The following FLII variants were observed in gnomAD, a reference collection of about 807,000 sequenced individuals.
FLII encodes the protein protein flightless-1 homolog.
Under a neutral mutation model 156.2 loss-of-function variants are expected in FLII, and 101 were observed. The observed-to-expected ratio is 0.65, with a 90% CI of 0.55 to 0.76. FLII has a LOEUF of 0.76. FLII is among the 30% of genes least tolerant of loss of function. The pLI is 0.00. For missense variants in FLII, 1,675 were observed against 1,682.8 expected (o/e 1.00, Z 0.08); for synonymous variants, 767 against 685.8 (o/e 1.12, Z -1.85).
At position 18,248,530 on chromosome 17, in the gene FLII, G is replaced by A; in HGVS notation, c.2190+20C>T. ...GGGTGAACTTGGGAGGCCAAGGTGGGCCTCAGCAGCAGGGCTCACCTTGTA... is the reference window on the plus strand; with the variant it reads ...GGGTGAACTTGGGAGGCCAAGGTGGACCTCAGCAGCAGGGCTCACCTTGTA... On this transcript the variant is annotated intron_variant, in intron 18 of 29. Transcript: ENST00000327031. 6.3e-7 allele frequency: 1 copy of A among 1,582,920 alleles called. No homozygotes were observed. Among genetic ancestry groups the A allele is most frequent in the Admixed American group, 1.7e-5 (1 of 57,918 alleles).
Position 18,255,231 on chromosome 17 carries a change from ATTC to A in FLII, c.276_278del (p.Lys92del). 6.2e-7 allele frequency: 1 copy of A among 1,614,118 alleles called. No homozygotes were observed. The highest frequency in any genetic ancestry group is 8.5e-7 in the Non-Finnish European group (1 of 1,179,984). On this transcript the variant is annotated inframe_deletion, in exon 4 of 30. Coordinates refer to ENST00000327031, the MANE Select transcript of FLII (RefSeq NM_002018.4). ...TGAAGATGTCATCGGGGACTCCGGA[ATTC>A]TTCAGACTGTTGGCTCGGGCCACGA... is the stretch of plus-strand genomic sequence containing the variant.
Position 18,251,733 on chromosome 17 carries a change from G to C in FLII, c.1330C>G (p.Gln444Glu), listed in dbSNP as rs139329516. The part of the protein sequence containing the change: ...KDSAQDDQAK[Q>E]VLKGMSDVAQ... ...ACATCTGACATGCCCTTCAGCACCT[G>C]CTTGGCCTGGTCATCCTGGGCTGAA... The change falls in exon 12 of 30, where the codon CAG becomes GAG. Residue 444 changes from glutamine (Q) to glutamate (E), a missense_variant. This residue lies in a region of FLII where 1,332 missense variants were observed against 1,269.3 expected (regional missense o/e 1.05). Coordinates refer to ENST00000327031, the MANE Select transcript of FLII (RefSeq NM_002018.4). The C allele has an allele frequency of 5.0e-6, 8 of 1,613,934 alleles. No homozygotes were observed. The African/African-American group carries it at 9.3e-5, about 19-fold the overall frequency.
At chr17:18,257,277 G>A in intron 1 of FLII, 1 of 467,622 alleles carries the variant, frequency 2.1e-6, no homozygotes, top group South Asian at 3.1e-5. Flanking sequence ...GGACAAAACT[G>A]GCTTGTTTCA....
Position 18,248,502 on chromosome 17 carries a change from G to T in FLII, c.2190+48C>A, listed in dbSNP as rs376224406. 1.8e-5 allele frequency: 28 copies of T among 1,539,640 alleles called. No individual in the cohort carries two copies. In the East Asian group the frequency reaches 6.1e-4, roughly 34 times the overall value. On this transcript the variant is annotated intron_variant, in intron 18 of 29. Transcript: ENST00000327031. ...CGGTGTGTAGTCCATTCCCCCAGTC[G>T]GTGGGTGAACTTGGGAGGCCAAGGT...
rs141748069 is a variant in FLII, at chr17:18,249,856, T to C, written c.1777-448A>G. Among the ~76,000 whole-genome samples, 34 of 151,872 alleles carry C rather than the reference T, an allele frequency of 2.2e-4. No individual in the cohort carries two copies. The East Asian group carries it at 6.6e-3, about 30-fold the overall frequency. On this transcript the variant is annotated intron_variant, in intron 14 of 29. Coordinates refer to ENST00000327031, the MANE Select transcript of FLII (RefSeq NM_002018.4). ...AGATCTGGCTGGGCACGGTGGCTCA[T>C]GCCTGTAATCTTAGTACTTTGGGAG...
Position 18,248,966 on chromosome 17 carries a change from C to T in FLII, c.1935-83G>A. The T allele has an allele frequency of 1.1e-5, 16 of 1,444,716 alleles. No homozygotes were observed. The South Asian group carries it at 1.8e-4, about 16-fold the overall frequency. 89.5% of individuals were successfully genotyped at this position (1,444,716 alleles called of 1,614,324 possible). A position where few individuals can be genotyped will look rare whatever the true frequency, so the allele number is the denominator to read the frequency against. On this transcript the variant is annotated intron_variant, in intron 16 of 29. Coordinates refer to ENST00000327031, the MANE Select transcript of FLII (RefSeq NM_002018.4). ...TGCTCCTGACCCCACCAAAAAAAAT[C>T]CCTCACTATGGGGTTTCTGGGTAAG...
chr17:18,247,102 C>A lies in FLII; in HGVS notation c.2677-50G>T, dbSNP rs748193961. 1.0e-5 allele frequency: 16 copies of A among 1,583,842 alleles called. No individual in the cohort carries two copies. In the East Asian group the frequency reaches 1.3e-4, roughly 13 times the overall value. On this transcript the variant is annotated intron_variant, in intron 21 of 29. Transcript: ENST00000327031. ...GCGGCAGGTCTGAGCGCGCTCTGCG[C>A]ATAGGCCCCGCCCTCGGCCTGCCCC...
intron 10 of FLII, 114 bp downstream of exon 10, chr17:18,252,358 C>A (rs1252258130): frequency 9.5e-7 from 1 of 1,047,598 alleles, no homozygotes; most frequent in South Asian, 1.4e-5. Flanking sequence ...CTTCTCCCCA[C>A]GGGCACCCTG....
At chr17:18,252,191 C>A in intron 10 of FLII, 45 bp from the exon 11 acceptor site, 1 of 1,543,150 alleles carries the variant, frequency 6.5e-7, no homozygotes, top group Non-Finnish European at 8.9e-7. Flanking sequence ...CTGGGTCCTA[C>A]CTCCCAGACA....
chr17:18,247,101 G>A (rs755164075), intron 21 of FLII, 49 bp from the exon 22 acceptor site: 3 of 1,584,910 alleles, frequency 1.9e-6, no homozygotes, highest in East Asian at 4.5e-5. Context: ...CGCGCTCTGC[G>A]CATAGGCCCC....
In FLII at chr17:18,252,092, G is replaced by T. The variant is rs1379238455; in HGVS notation, c.1153C>A (p.Arg385Ser). 5.6e-6 allele frequency: 9 copies of T among 1,613,332 alleles called. No homozygotes were observed. The African/African-American group carries it at 8.0e-5, about 14-fold the overall frequency. Residue 385 changes from arginine to serine, a missense_variant, in exon 11 of 30, where the codon CGT becomes AGT. Physicochemically the swap from Arg to Ser is moderately radical, Grantham distance 110. Around this residue, in one of 2 missense-constraint regions of FLII, gnomAD observed 1,332 missense variants for 1,269.3 expected, o/e 1.05. Coordinates refer to ENST00000327031, the MANE Select transcript of FLII (RefSeq NM_002018.4). ...TCGATGTTGTACCACTCAGCGGCACGGTCTGCGGGCTTGGGCGGCATGACC... is the reference window on the plus strand; with the variant it reads ...TCGATGTTGTACCACTCAGCGGCACTGTCTGCGGGCTTGGGCGGCATGACC... ...NLVMPPKPAD[R>S]AAEWYNIDFS...
chr17:18,245,801 C>T lies in FLII; in HGVS notation c.3446G>A (p.Gly1149Glu), dbSNP rs1285251885. Residue 1149 changes from glycine (G) to glutamate (E), a missense_variant, in exon 27 of 30, where the codon GGG becomes GAG. Gly to Glu is a moderately conservative substitution (Grantham distance 98). Coordinates refer to ENST00000327031, the MANE Select transcript of FLII (RefSeq NM_002018.4). ...ATCGTCATCATAGGGCTTCTGTGCC[C>T]CAATGCCCACCCAGAAGAAGTTCTC... ...EPENFFWVGIGAQKPYDDDAE... is the reference protein window; with the variant it reads ...EPENFFWVGIEAQKPYDDDAE... The T allele has an allele frequency of 6.2e-7, 1 of 1,614,034 alleles. No individual in the cohort carries two copies. The highest frequency in any genetic ancestry group is 8.5e-7 in the Non-Finnish European group (1 of 1,180,004).
chr17:18,252,037 G>A lies in FLII; in HGVS notation c.1208C>T (p.Ala403Val), dbSNP rs775990658. Residue 403 changes from alanine (A) to valine (V), a missense_variant, in exon 11 of 30, where the codon GCG becomes GTG. Ala to Val is a moderately conservative substitution (Grantham distance 64). Coordinates refer to ENST00000327031, the MANE Select transcript of FLII (RefSeq NM_002018.4). ...DFSLQNQLRLAGASPATVAAA... is the reference protein window; with the variant it reads ...DFSLQNQLRLVGASPATVAAA... Reference sequence around the variant, plus strand: ...AGCCACGGTAGCAGGAGAGGCACCCGCTAGCCGCAGCTGGTTCTGCAGCGA... The same window carrying A: ...AGCCACGGTAGCAGGAGAGGCACCCACTAGCCGCAGCTGGTTCTGCAGCGA... 9.9e-6 allele frequency: 16 copies of A among 1,613,056 alleles called. No homozygotes were observed. Among genetic ancestry groups the A allele is most frequent in the South Asian group, 7.7e-5 (7 of 91,084 alleles).
chr17:18,254,475 T>C, intron 6 of FLII, 46 bp downstream of exon 6: 3 of 1,550,674 alleles, frequency 1.9e-6, no homozygotes, highest in East Asian at 2.3e-5. Context: ...CCGGCCAGAC[T>C]CCTCAGGGTG....
Position 18,247,706 on chromosome 17 carries a change from C to T in FLII, c.2438G>A (p.Arg813Gln), listed in dbSNP as rs1329885209. Residue 813 changes from arginine to glutamine, a missense_variant, in exon 20 of 30, where the codon CGG becomes CAG. Coordinates refer to ENST00000327031, the MANE Select transcript of FLII (RefSeq NM_002018.4). ...GCGGCTGACCGTGGCATGGCGTGGC[C>T]GGTGCAGCATCCCGCACAGCTCCTG... ...LGQELCGMLH[R>Q]PRHATVSRSL... The T allele has an allele frequency of 1.2e-6, 2 of 1,601,308 alleles. No individual in the cohort carries two copies. The highest frequency in any genetic ancestry group is 1.7e-6 in the Non-Finnish European group (2 of 1,178,694).
chr17:18,251,872 T>C, intron 11 of FLII, 56 bp from the exon 12 acceptor site: 1 of 1,610,252 alleles, frequency 6.2e-7, no homozygotes, highest in Non-Finnish European at 8.5e-7. Flanking sequence ...CCCTTGGGCA[T>C]GCGACCAACC....
In FLII at chr17:18,250,012, T is replaced by C. The variant is rs1597908912; in HGVS notation, c.1777-604A>G. ...AGCACATGCCTGTAATCCCAGCTAC[T>C]TGGGAGGCTGAGGCAGGAGAATCGC... On this transcript the variant is annotated intron_variant, in intron 14 of 29. Coordinates refer to ENST00000327031, the MANE Select transcript of FLII (RefSeq NM_002018.4). 2.0e-5 allele frequency among the ~76,000 whole-genome samples: 3 copies of C among 151,852 alleles called. No individual in the cohort carries two copies. In the East Asian group the frequency reaches 5.8e-4, roughly 29 times the overall value.
At chr17:18,247,494 G>T (rs2048117169) in intron 20 of FLII, 137 bp from the exon 21 acceptor site, 10 of 1,061,088 alleles carry the variant, frequency 9.4e-6, no homozygotes, top group Non-Finnish European at 1.4e-5. Context: ...ACGGAGGTAG[G>T]AATAGGAGGG....
In FLII at chr17:18,253,681, C is replaced by T. The variant is rs201024651; in HGVS notation, c.718G>A (p.Glu240Lys). Reference protein sequence around the residue: ...LSCNDLTRVPECLYTLPSLRR... With the variant: ...LSCNDLTRVPKCLYTLPSLRR... ...AGGCTGGGGAGGGTGTACAGACACT[C>T]GGGCACCCGTGTCAGGTCATTGCAG... Residue 240 changes from glutamate to lysine, a missense_variant, in exon 8 of 30, where the codon GAG (glutamate) becomes AAG (lysine). Coordinates refer to ENST00000327031, the MANE Select transcript of FLII (RefSeq NM_002018.4). 9.2e-5 allele frequency: 148 copies of T among 1,613,290 alleles called. No homozygotes were observed. The highest frequency in any genetic ancestry group is 1.2e-4 in the Non-Finnish European group (141 of 1,179,938).
Sources: allele counts gnomAD v4.1 joint callset (sites outside exome capture counted in the v4.1 genomes callset), GRCh38; gene constraint gnomAD v4.1.1; regional missense constraint gnomAD v4.1.1; transcripts MANE v1.5; gene names NCBI Gene and HGNC (gene_info 2026-07-23, HGNC 2026-07-21).